Variants in MYH7 observed in about 807,000 individuals in gnomAD.
MYH7 encodes myosin-7.
MYH7 carries 129 observed loss-of-function variants against 225.4 expected under a neutral mutation model. The observed-to-expected ratio is 0.57, with a 90% CI of 0.50 to 0.66. The LOEUF (loss-of-function observed/expected upper bound fraction) is 0.66, where lower values mean the gene tolerates loss of function less well. Among genes scored for constraint, MYH7 ranks in the 30% least tolerant of loss-of-function variants. The pLI is 0.00. For synonymous variants in MYH7, 971 were observed against 1,007.6 expected, an observed-to-expected ratio of 0.96 and a Z score of 0.69; for missense variants, 1,649 against 2,517.0, an observed-to-expected ratio of 0.66 and a Z score of 7.38.
At chr14:23,420,838 G>A in intron 26 of MYH7, 120 bp downstream of exon 26, 2 of 773,364 alleles carry the variant, frequency 2.6e-6, no homozygotes, top group East Asian at 2.5e-5. Context: ...CTGCGTGCCT[G>A]CCTCCATGGA....
chr14:23,419,758 A>G, intron 27 of MYH7, 87 bp downstream of exon 27: 1 of 1,613,534 alleles, frequency 6.2e-7, no homozygotes, highest in Non-Finnish European at 8.5e-7. Context: ...AAGTGGGAAA[A>G]TGAACCATGA....
rs1566525285 is a variant in MYH7, at chr14:23,417,324, CG to C, written c.4354-7del. On this transcript the variant is annotated splice_region_variant and splice_polypyrimidine_tract_variant and intron_variant, in intron 31 of 39. Transcript: ENST00000355349. ...TGCTTCCACTCGGCCAGGATCTGCC[CG>C]GGGACAAGGCTCACTCTTCAGCCCC... is the stretch of plus-strand genomic sequence containing the variant. The C allele has an allele frequency of 1.2e-6, 2 of 1,613,528 alleles. No homozygotes were observed. The highest frequency in any genetic ancestry group is 8.5e-7 in the Non-Finnish European group (1 of 1,180,022).
Position 23,433,716 on chromosome 14 carries a change from A to T in MYH7, c.17T>A (p.Met6Lys). 1 of 1,614,074 alleles carries T rather than the reference A, an allele frequency of 6.2e-7. No individual in the cohort carries two copies. The highest frequency in any genetic ancestry group is 2.2e-5 in the East Asian group (1 of 44,890). Residue 6 changes from methionine to lysine, a missense_variant, in exon 3 of 40, where the codon ATG becomes AAG. Coordinates refer to ENST00000355349, the MANE Select transcript of MYH7 (RefSeq NM_000257.4). This position sits in a 1 kb window ranked among gnomAD's most constrained non-coding sequence, Gnocchi z 4.1. Reference protein sequence around the residue: MGDSEMAVFGAAAPYL... With the variant: MGDSEKAVFGAAAPYL... ...GGGGGCGGCAGCCCCAAAGACTGCC[A>T]TCTCCGAATCTCCCATGGCTGTGCC...
Position 23,414,001 on chromosome 14 carries a change from A to T in MYH7, c.5655+6T>A. Reference sequence around the variant, plus strand: ...CCTGGGCCTAGTCCCCAGCAGGGTCACTCACCGCCTCCTCGGCCTGGCGCT... The same window carrying T: ...CCTGGGCCTAGTCCCCAGCAGGGTCTCTCACCGCCTCCTCGGCCTGGCGCT... On this transcript the variant is annotated splice_donor_region_variant and intron_variant, in intron 38 of 39. Coordinates refer to ENST00000355349, the MANE Select transcript of MYH7 (RefSeq NM_000257.4). 6.2e-7 allele frequency: 1 copy of T among 1,614,014 alleles called. No individual in the cohort carries two copies. Among genetic ancestry groups the T allele is most frequent in the South Asian group, 1.1e-5 (1 of 91,078 alleles).
At chr14:23,421,250 T>C (rs1051000408) in intron 25 of MYH7, among the ~76,000 whole-genome samples, 4 of 152,184 alleles carry the variant, frequency 2.6e-5, no homozygotes, top group African/African-American at 9.7e-5. Flanking sequence ...AGGAGTGCTG[T>C]AGACAGGGTG....
chr14:23,427,396 G>C, intron 16 of MYH7, 89 bp from the exon 17 acceptor site: 1 of 1,546,140 alleles, frequency 6.5e-7, no homozygotes, highest in Non-Finnish European at 8.9e-7. Context: ...CATCCTTGCT[G>C]GCATTTGGCC....
At position 23,433,258 on chromosome 14, in the gene MYH7, C is replaced by G; in HGVS notation, c.202-31G>C. The stretch of plus-strand genomic sequence containing the variant: ...AGAGCCCCCACCCAAGCCCTCCTGT[C>G]AGCCTGGGCTTTCCCTCCTTCCTCA... On this transcript the variant is annotated intron_variant, in intron 3 of 39. Coordinates refer to ENST00000355349, the MANE Select transcript of MYH7 (RefSeq NM_000257.4). The surrounding 1 kb of genome is among the most constrained non-coding windows in gnomAD (Gnocchi z 4.1). The G allele has an allele frequency of 6.2e-7, 1 of 1,614,110 alleles. No homozygotes were observed.
At chr14:23,418,023 G>A (rs773016245) in intron 30 of MYH7, 187 bp downstream of exon 30, 21 of 997,182 alleles carry the variant, frequency 2.1e-5, no homozygotes, top group South Asian at 3.8e-5. Context: ...TCTTATATTC[G>A]GATCAGAAAC....
intron 23 of MYH7, 32 bp downstream of exon 23, chr14:23,423,875 C>A: frequency 6.2e-7 from 1 of 1,613,718 alleles, no homozygotes; most frequent in South Asian, 1.1e-5. Context: ...CCTGATGAGA[C>A]CCGGGCTGGA....
chr14:23,420,653 T>G (rs1036932951), intron 26 of MYH7, among the ~76,000 whole-genome samples: 1 of 152,204 alleles, frequency 6.6e-6, no homozygotes, highest in African/African-American at 2.4e-5. Flanking sequence ...AACCTCCATG[T>G]AACAGGGGAG....
chr14:23,417,733 A>G (rs745956976), intron 30 of MYH7, 47 bp from the exon 31 acceptor site: 18 of 1,605,038 alleles, frequency 1.1e-5, no homozygotes, highest in Non-Finnish European at 1.5e-5. Flanking sequence ...GAGGGTGTGG[A>G]TGGGGACAAG....
rs1893037846 is a variant in MYH7 at position 23,433,626 on chromosome 14, T to A, written c.107A>T (p.Asp36Val). The A allele has an allele frequency of 6.2e-7, 1 of 1,614,238 alleles. No individual in the cohort carries two copies. Among genetic ancestry groups the A allele is most frequent in the Non-Finnish European group, 8.5e-7 (1 of 1,180,044 alleles). ...CTGTTTGTCATCAGGCACGAAGACATCCTTCTTGAGGTCAAAAGGCCTGGT... is the reference window on the plus strand; with the variant it reads ...CTGTTTGTCATCAGGCACGAAGACAACCTTCTTGAGGTCAAAAGGCCTGGT... Reference protein sequence around the residue: ...AQTRPFDLKKDVFVPDDKQEF... With the variant: ...AQTRPFDLKKVVFVPDDKQEF... The change falls in exon 3 of 40, where the codon GAT (aspartate) becomes GTT (valine). Residue 36 changes from aspartate (D) to valine (V), a missense_variant. Physicochemically the swap from Asp to Val is radical, Grantham distance 152. Coordinates refer to ENST00000355349, the MANE Select transcript of MYH7 (RefSeq NM_000257.4). The surrounding 1 kb of genome is among the most constrained non-coding windows in gnomAD (Gnocchi z 4.1).
At position 23,433,819 on chromosome 14, in the gene MYH7, G is replaced by T. The variant is rs1021189388; in HGVS notation, c.-8-79C>A. On this transcript the variant is annotated intron_variant, in intron 2 of 39. Coordinates refer to ENST00000355349, the MANE Select transcript of MYH7 (RefSeq NM_000257.4). The surrounding 1 kb of genome is among the most constrained non-coding windows in gnomAD (Gnocchi z 4.1). ...CCCTGGGCTCTCCCCTTCAGTGGGAGCCCCAAAACCTAGCACCATGCTCAA... is the reference window on the plus strand; with the variant it reads ...CCCTGGGCTCTCCCCTTCAGTGGGATCCCCAAAACCTAGCACCATGCTCAA... 2.1e-6 allele frequency: 3 copies of T among 1,421,572 alleles called. No individual in the cohort carries two copies. Among genetic ancestry groups the T allele is most frequent in the Admixed American group, 3.5e-5 (2 of 56,470 alleles). 88.1% of individuals were successfully genotyped at this position (1,421,572 alleles called of 1,614,324 possible).
At chr14:23,422,904 C>G (rs1892538887) in intron 24 of MYH7, among the ~76,000 whole-genome samples, 1 of 152,186 alleles carries the variant, frequency 6.6e-6, no homozygotes, top group Non-Finnish European at 1.5e-5. Context: ...GCTGGGATTA[C>G]AGGTGTGAGC....
In MYH7 at chr14:23,433,670, C is replaced by T. The variant is rs773348728; in HGVS notation, c.63G>A (p.Lys21=). The T allele has an allele frequency of 1.2e-6, 2 of 1,614,284 alleles. No homozygotes were observed. Among genetic ancestry groups the T allele is most frequent in the South Asian group, 2.2e-5 (2 of 91,090 alleles). ...AAAPYLRKSE[K]ERLEAQTRPF... ...GCCTGGTCTGCGCTTCTAGCCGCTC[C>T]TTCTCTGACTTGCGCAGGTAGGGGG... The change falls in exon 3 of 40, where the codon AAG becomes AAA. Residue 21 remains lysine (K), a synonymous_variant. Transcript: ENST00000355349. The surrounding 1 kb of genome is among the most constrained non-coding windows in gnomAD (Gnocchi z 4.1).
At chr14:23,424,185 G>T (rs537729989) in intron 22 of MYH7, 36 bp from the exon 23 acceptor site, 2 of 1,613,206 alleles carry the variant, frequency 1.2e-6, no homozygotes, top group South Asian at 1.1e-5. Context: ...CTGTTCAGGG[G>T]GTAAGGTCCT....
At chr14:23,426,160 G>T in intron 18 of MYH7, 79 bp from the exon 19 acceptor site, 1 of 1,487,194 alleles carries the variant, frequency 6.7e-7, no homozygotes, top group South Asian at 1.2e-5. Flanking sequence ...CTTTGTCACT[G>T]ATTAGCTTGT....
chr14:23,422,085 C>A (rs1892493461), intron 25 of MYH7, 95 bp downstream of exon 25: 2 of 1,576,134 alleles, frequency 1.3e-6, no homozygotes, highest in Admixed American at 1.7e-5. Context: ...GTGGAGGCTG[C>A]GTGAGGTTGT....
At position 23,429,219 on chromosome 14, in the gene MYH7, A is replaced by G. The variant is rs773457395; in HGVS notation, c.1257+10T>C. 1.9e-6 allele frequency: 3 copies of G among 1,612,862 alleles called. No homozygotes were observed. Among genetic ancestry groups the G allele is most frequent in the Non-Finnish European group, 2.5e-6 (3 of 1,178,824 alleles). ...CCTGCCCACCCATTATCATCTGAAGATGGACCCACCTGCTGGACATTCTGC... is the reference window on the plus strand; with the variant it reads ...CCTGCCCACCCATTATCATCTGAAGGTGGACCCACCTGCTGGACATTCTGC... On this transcript the variant is annotated intron_variant, in intron 13 of 39. Transcript: ENST00000355349.
Sources: gnomAD v4.1 joint callset for allele counts (sites outside exome capture counted in the v4.1 genomes callset) on GRCh38, gnomAD v4.1.1 for gene constraint, Gnocchi (gnomAD v3.1) non-coding constraint, MANE v1.5 for transcripts, NCBI Gene and HGNC (gene_info 2026-07-23, HGNC 2026-07-21) for gene names.